Variants in AMBRA1 observed in about 807,000 individuals in gnomAD.
AMBRA1 encodes the protein autophagy and beclin 1 regulator 1, also known as activating molecule in BECN1-regulated autophagy protein 1.
Under a neutral mutation model 125.4 loss-of-function variants are expected in AMBRA1, and 47 were observed. That is an observed-to-expected ratio of 0.37 (90% CI 0.30 to 0.48). The LOEUF (loss-of-function observed/expected upper bound fraction) is 0.48, where lower values mean the gene tolerates loss of function less well. Ranked by LOEUF, AMBRA1 falls within the 20% of genes least tolerant of loss-of-function variation. AMBRA1 has a pLI of 0.99. For missense variants in AMBRA1, 1,331 were observed against 1,693.4 expected, an observed-to-expected ratio of 0.79 and a Z score of 3.76; for synonymous variants, 626 against 655.5, an observed-to-expected ratio of 0.95 and a Z score of 0.69.
chr11:46,506,832 A>C (rs1440905471), intron 9 of AMBRA1, among the ~76,000 whole-genome samples: 8 of 152,184 alleles, frequency 5.3e-5, no homozygotes, highest in African/African-American at 1.9e-4. Context: ...TAGAAAGGTC[A>C]GAAGCAGCAG....
At chr11:46,482,565 C>A (rs1342630692) in intron 11 of AMBRA1, among the ~76,000 whole-genome samples, 1 of 152,222 alleles carries the variant, frequency 6.6e-6, no homozygotes, top group Non-Finnish European at 1.5e-5. Context: ...CCCCACTTCA[C>A]AGGAACAAGG....
chr11:46,527,034 G>A (rs1952002158), intron 7 of AMBRA1, among the ~76,000 whole-genome samples: 1 of 152,274 alleles, frequency 6.6e-6, no homozygotes, highest in South Asian at 2.1e-4. Context: ...AGTCAGAAGG[G>A]TCAATGTTCA....
chr11:46,529,139 C>G (rs1952106779), intron 7 of AMBRA1, among the ~76,000 whole-genome samples: 1 of 152,204 alleles, frequency 6.6e-6, no homozygotes, highest in Admixed American at 6.5e-5. Context: ...ACCCACCACT[C>G]TGTCCAAGGT....
At chr11:46,525,293 C>G (rs1951919834) in intron 7 of AMBRA1, among the ~76,000 whole-genome samples, 1 of 151,238 alleles carries the variant, frequency 6.6e-6, no homozygotes, top group South Asian at 2.1e-4. Flanking sequence ...CGATTGAAAC[C>G]CTGTTTCAAA....
intron 11 of AMBRA1, among the ~76,000 whole-genome samples, chr11:46,447,070 A>G (rs981745433): frequency 2.6e-5 from 4 of 152,224 alleles, no homozygotes; most frequent in Admixed American, 2.0e-4. Flanking sequence ...AGGGTATAAT[A>G]GTACCTACAA....
chr11:46,418,179 ACT>A, intron 14 of AMBRA1, 127 bp from the exon 15 acceptor site: 6 of 697,392 alleles, frequency 8.6e-6, no homozygotes, highest in Middle Eastern at 5.0e-4. Flanking sequence ...GAACAGGATG[ACT>A]CTTTTTTTTT....
intron 1 of AMBRA1, among the ~76,000 whole-genome samples, chr11:46,579,656 C>G (rs896145158): frequency 6.6e-6 from 1 of 152,158 alleles, no homozygotes; most frequent in Non-Finnish European, 1.5e-5. Flanking sequence ...GGTACAGCTC[C>G]TATCTTCACG....
intron 14 of AMBRA1, chr11:46,429,183 C>T (rs373279928): frequency 3.2e-5 from 48 of 1,500,248 alleles, no homozygotes; most frequent in East Asian, 2.2e-4. Flanking sequence ...TGGCTTCATC[C>T]TCCCCCTCTC....
chr11:46,591,420 A>G (rs573636436), intron 1 of AMBRA1: 1 of 152,330 alleles, frequency 6.6e-6, no homozygotes, highest in African/African-American at 2.4e-5. Context: ...AGGGCCCTTC[A>G]TTTAAATCTT....
At chr11:46,423,265 C>T (rs983127186) in intron 14 of AMBRA1, among the ~76,000 whole-genome samples, 1 of 152,088 alleles carries the variant, frequency 6.6e-6, no homozygotes, top group Non-Finnish European at 1.5e-5. Flanking sequence ...TGAGTTTCTT[C>T]GACCCTAGGA....
intron 11 of AMBRA1, among the ~76,000 whole-genome samples, chr11:46,462,473 G>A (rs1484566251): frequency 6.6e-6 from 1 of 152,116 alleles, no homozygotes; most frequent in Non-Finnish European, 1.5e-5. Context: ...CTGCTCTAAA[G>A]CTTTAGTGGC....
intron 11 of AMBRA1, among the ~76,000 whole-genome samples, chr11:46,487,103 C>CA (rs1441285426): frequency 1.3e-5 from 2 of 151,286 alleles, no homozygotes; most frequent in Non-Finnish European, 2.9e-5. Context: ...ACGAAAAGTA[C>CA]AAAAATTAGA....
intron 17 of AMBRA1, among the ~76,000 whole-genome samples, chr11:46,408,053 C>T (rs1028479247): frequency 6.6e-6 from 1 of 152,154 alleles, no homozygotes; most frequent in African/African-American, 2.4e-5. Context: ...ATAGGCCAGG[C>T]TGCAGCCAAA....
chr11:46,561,232 T>C (rs1384334302), intron 1 of AMBRA1, among the ~76,000 whole-genome samples: 4 of 151,834 alleles, frequency 2.6e-5, no homozygotes, highest in Non-Finnish European at 5.9e-5. Flanking sequence ...AATACAAAAA[T>C]TAGCTGGGCG....
intron 17 of AMBRA1, among the ~76,000 whole-genome samples, chr11:46,400,482 T>TG (rs1565116860): frequency 1.5e-5 from 1 of 66,400 alleles, no homozygotes; most frequent in African/African-American, 9.0e-5. Flanking sequence ...AGTTTTTTTT[T>TG]TTTTTTTTTT....
intron 11 of AMBRA1, among the ~76,000 whole-genome samples, chr11:46,484,077 A>G (rs1360931888): frequency 6.6e-6 from 1 of 152,182 alleles, no homozygotes; most frequent in Non-Finnish European, 1.5e-5. Flanking sequence ...TATTGAGGTG[A>G]GTCCCTGGGT....
chr11:46,497,541 G>A (rs75762469), intron 9 of AMBRA1, among the ~76,000 whole-genome samples: 6,705 of 152,194 alleles, frequency 0.044, 498 homozygotes, highest in African/African-American at 0.15. Context: ...GACCCAGCAC[G>A]ACCAGGAAAA....
intron 9 of AMBRA1, among the ~76,000 whole-genome samples, chr11:46,504,154 C>CT (rs780675321): frequency 2.0e-5 from 3 of 152,100 alleles, no homozygotes; most frequent in Non-Finnish European, 2.9e-5. Flanking sequence ...AGCAAAGCAG[C>CT]TATAAAAAGA....
At chr11:46,562,372 G>T (rs1166842476) in intron 1 of AMBRA1, among the ~76,000 whole-genome samples, 2 of 152,202 alleles carry the variant, frequency 1.3e-5, no homozygotes, top group African/African-American at 4.8e-5. Context: ...AGCAGACCAT[G>T]ATAAAATTTG....
Sources: gnomAD v4.1 joint callset for allele counts (sites outside exome capture counted in the v4.1 genomes callset) on GRCh38, gnomAD v4.1.1 for gene constraint, MANE v1.5 for transcripts, NCBI Gene and HGNC (gene_info 2026-07-23, HGNC 2026-07-21) for gene names.